The following KIF1C variants were observed in gnomAD, a reference collection of about 807,000 sequenced individuals.
The protein encoded by KIF1C is kinesin-like protein KIF1C.
In KIF1C, 61 loss-of-function variants were observed where a neutral mutation model predicts 126.5. The observed-to-expected ratio is 0.48, with a 90% CI of 0.39 to 0.60. The LOEUF (loss-of-function observed/expected upper bound fraction) is 0.60. KIF1C is among the 20% of genes least tolerant of loss of function. The pLI is 0.00. For missense variants in KIF1C, 1,315 were observed against 1,489.2 expected (o/e 0.88, Z 1.93); for synonymous variants, 640 against 580.6 (o/e 1.10, Z -1.47).
rs1476940480 is a variant in KIF1C at position 5,020,540 on chromosome 17, C to T, written c.1799C>T (p.Pro600Leu). The T allele has an allele frequency of 4.3e-6, 7 of 1,614,196 alleles. No individual in the cohort carries two copies. The highest frequency in any genetic ancestry group is 1.1e-5 in the South Asian group (1 of 91,088). Residue 600 changes from proline (P) to leucine (L), a missense_variant, in exon 20 of 23, where the codon CCG (proline) becomes CTG (leucine). Physicochemically the swap from Pro to Leu is moderately conservative, Grantham distance 98. Coordinates refer to ENST00000320785, the MANE Select transcript of KIF1C (RefSeq NM_006612.6). The surrounding 1 kb of genome is among the most constrained non-coding windows in gnomAD (Gnocchi z 5.8). ...GKNHVFRFNHPEQARLERERG... is the reference protein window; with the variant it reads ...GKNHVFRFNHLEQARLERERG... ...AACCACGTTTTCCGCTTCAACCACC[C>T]GGAGCAGGCAAGGCTGGAACGGGAA...
Position 5,020,955 on chromosome 17 carries a change from G to A in KIF1C, c.2010+77G>A, listed in dbSNP as rs1010164940. 25 of 1,319,130 alleles carry A rather than the reference G, an allele frequency of 1.9e-5. No individual in the cohort carries two copies. The highest frequency in any genetic ancestry group is 4.3e-4 in the Middle Eastern group (2 of 4,658). The allele number at this position is 1,319,130 out of a possible 1,614,324, so 81.7% of individuals were successfully genotyped here. A position where few individuals can be genotyped will look rare whatever the true frequency, so the allele number is the denominator to read the frequency against. ...CCTGAGTCCGAGTGCAGTGCTCACC[G>A]CTGAGCCAGAGTGGGAAATGGGCAT... On this transcript the variant is annotated intron_variant, in intron 21 of 22. Coordinates refer to ENST00000320785, the MANE Select transcript of KIF1C (RefSeq NM_006612.6). The surrounding 1 kb of genome is among the most constrained non-coding windows in gnomAD (Gnocchi z 5.8).
At chr17:5,013,801 A>G in intron 17 of KIF1C, 69 bp downstream of exon 17, 1 of 1,221,880 alleles carries the variant, frequency 8.2e-7, no homozygotes, top group Non-Finnish European at 1.2e-6. Context: ...GGTTGTCCAC[A>G]TTGGTGTCTC....
At chr17:5,021,169 G>GTTTTTTT (rs765920431) in intron 21 of KIF1C, among the ~76,000 whole-genome samples, 18 of 77,394 alleles carry the variant, frequency 2.3e-4, no homozygotes, top group Non-Finnish European at 2.8e-4. Context: ...GATTGTTGTG[G>GTTTTTTT]TTTTTTTTTT....
In KIF1C at chr17:5,026,616, G is replaced by A. The variant is rs1438949221; in HGVS notation, c.*2465G>A. 1.9e-5 allele frequency: 3 copies of A among 160,836 alleles called. No homozygotes were observed. The highest frequency in any genetic ancestry group is 4.0e-5 in the Non-Finnish European group (3 of 75,740). 10.0% of individuals were successfully genotyped at this position (160,836 alleles called of 1,614,324 possible). On this transcript the variant is annotated 3_prime_UTR_variant, in exon 23 of 23. Coordinates refer to ENST00000320785, the MANE Select transcript of KIF1C (RefSeq NM_006612.6). The stretch of plus-strand genomic sequence containing the variant: ...CATAGAAAAACTAGTTGGGTGTGGT[G>A]GTGTGTACCTGTAGTTCCAGCTACT...
Position 5,022,708 on chromosome 17 carries a change from A to G in KIF1C, c.2627A>G (p.Gln876Arg). The G allele has an allele frequency of 2.0e-6, 3 of 1,527,218 alleles. No individual in the cohort carries two copies. Among genetic ancestry groups the G allele is most frequent in the Non-Finnish European group, 2.6e-6 (3 of 1,140,048 alleles). 94.6% of individuals were successfully genotyped at this position (1,527,218 alleles called of 1,614,324 possible). A position where few individuals can be genotyped will look rare whatever the true frequency, so the allele number is the denominator to read the frequency against. Reference protein sequence around the residue: ...LRMERVIPLAQDHEDENEEGG... With the variant: ...LRMERVIPLARDHEDENEEGG... ...ATGGAGAGGGTCATCCCCCTGGCCCAGGTAGGACTGGCCTTCTGCCTCCCT... is the reference window on the plus strand; with the variant it reads ...ATGGAGAGGGTCATCCCCCTGGCCCGGGTAGGACTGGCCTTCTGCCTCCCT... Residue 876 changes from glutamine (Q) to arginine (R), a missense_variant and splice_region_variant, in exon 22 of 23, where the codon CAG (glutamine) becomes CGG (arginine). This residue lies in a region of KIF1C where 441 missense variants were observed against 436.1 expected (regional missense o/e 1.01). Coordinates refer to ENST00000320785, the MANE Select transcript of KIF1C (RefSeq NM_006612.6). The surrounding 1 kb of genome is among the most constrained non-coding windows in gnomAD (Gnocchi z 4.9).
At chr17:5,000,175 C>G in intron 2 of KIF1C, 45 bp from the exon 3 acceptor site, 1 of 1,082,750 alleles carries the variant, frequency 9.2e-7, no homozygotes, top group Non-Finnish European at 1.4e-6. Flanking sequence ...ATGTCTGGGT[C>G]CCTGCAGTGG....
chr17:5,022,465 C>A lies in KIF1C; in HGVS notation c.2384C>A (p.Ala795Asp). 6.3e-7 allele frequency: 1 copy of A among 1,586,158 alleles called. No homozygotes were observed. The highest frequency in any genetic ancestry group is 1.1e-5 in the South Asian group (1 of 87,744). ...TYGKPDGPGD[A>D]WRAVARDVWD... The stretch of plus-strand genomic sequence containing the variant: ...GGCAAGCCAGACGGCCCCGGAGACG[C>A]CTGGAGGGCTGTGGCCCGGGATGTC... Residue 795 changes from alanine (A) to aspartate (D), a missense_variant, in exon 22 of 23, where the codon GCC (alanine) becomes GAC (aspartate). Coordinates refer to ENST00000320785, the MANE Select transcript of KIF1C (RefSeq NM_006612.6). This position sits in a 1 kb window ranked among gnomAD's most constrained non-coding sequence, Gnocchi z 4.9.
chr17:5,004,874 C>G lies in KIF1C; in HGVS notation c.1039C>G (p.Gln347Glu). ...ACCCAGGTATGCTGACCGCACCAAG[C>G]AAATCCGCTGCAATGCCATCATCAA... ...STLRYADRTK[Q>E]IRCNAIINED... Residue 347 changes from glutamine (Q) to glutamate (E), a missense_variant, in exon 13 of 23, where the codon CAA (glutamine) becomes GAA (glutamate). This residue lies in a region of KIF1C where 874 missense variants were observed against 1,053.2 expected (regional missense o/e 0.83). Coordinates refer to ENST00000320785, the MANE Select transcript of KIF1C (RefSeq NM_006612.6). 1 of 1,614,248 alleles carries G rather than the reference C, an allele frequency of 6.2e-7. No individual in the cohort carries two copies. Among genetic ancestry groups the G allele is most frequent in the Non-Finnish European group, 8.5e-7 (1 of 1,180,046 alleles).
At chr17:5,017,019 T>A (rs1974985413) in intron 18 of KIF1C, among the ~76,000 whole-genome samples, 1 of 152,144 alleles carries the variant, frequency 6.6e-6, no homozygotes, top group Admixed American at 6.5e-5. Context: ...GCTTCCGGCA[T>A]TTTGGGTTGA....
intron 16 of KIF1C, among the ~76,000 whole-genome samples, chr17:5,013,308 G>A (rs114230943): frequency 0.015 from 2,254 of 152,210 alleles, 52 homozygotes; most frequent in African/African-American, 0.05. Flanking sequence ...TTCTGGTGAG[G>A]GAGCCTGGTG....
chr17:5,001,933 AC>A, intron 5 of KIF1C, 125 bp from the exon 6 acceptor site: 1 of 809,510 alleles, frequency 1.2e-6, no homozygotes, highest in Non-Finnish European at 2.1e-6. Context: ...AATGGGAATA[AC>A]CCCTCCCTCA....
In KIF1C at chr17:5,004,045, G is replaced by A. The variant is rs764214773; in HGVS notation, c.912G>A (p.Val304=). 1.9e-6 allele frequency: 3 copies of A among 1,613,836 alleles called. No homozygotes were observed. Among genetic ancestry groups the A allele is most frequent in the Non-Finnish European group, 2.5e-6 (3 of 1,179,950 alleles). ...KSDFIPYRDS[V]LTWLLKENLG... ...ATTTTATCCCCTACAGGGACTCTGT[G>A]CTCACCTGGCTGCTCAAGGAAAATT... The change falls in exon 11 of 23, where the codon GTG becomes GTA. Residue 304 remains valine, a synonymous_variant. Transcript: ENST00000320785.
At position 5,014,850 on chromosome 17, in the gene KIF1C, G is replaced by T. The variant is rs553003454; in HGVS notation, c.1666+13G>T. 15 of 1,569,688 alleles carry T rather than the reference G, an allele frequency of 9.6e-6. No individual in the cohort carries two copies. Among genetic ancestry groups the T allele is most frequent in the South Asian group, 9.4e-5 (8 of 85,546 alleles). On this transcript the variant is annotated intron_variant, in intron 18 of 22. Coordinates refer to ENST00000320785, the MANE Select transcript of KIF1C (RefSeq NM_006612.6). The stretch of plus-strand genomic sequence containing the variant: ...CCAGATGGAGAAGGTAATGGCTGAG[G>T]GGGTGAGAGAGGCCAGACAGGGAGA...
chr17:5,016,159 A>G (rs1974967309), intron 18 of KIF1C, among the ~76,000 whole-genome samples: 1 of 146,480 alleles, frequency 6.8e-6, no homozygotes, highest in South Asian at 2.2e-4. Context: ...TTTTTTTGAG[A>G]TGGAGTCTCG....
In KIF1C at chr17:5,020,874, G is replaced by A. The variant is rs566736417; in HGVS notation, c.2006G>A (p.Arg669Gln). The A allele has an allele frequency of 2.7e-4, 422 of 1,576,486 alleles. No homozygotes were observed. Among genetic ancestry groups the A allele is most frequent in the Non-Finnish European group, 3.4e-4 (392 of 1,160,890 alleles). ...EEADLLLEQQ[R>Q]LYADSDSGDD... ...GCCGATCTTCTGCTGGAGCAGCAGC[G>A]ACTGGTGAGGGGCAGCAGGGGCTGG... The change falls in exon 21 of 23, where the codon CGA (arginine) becomes CAA (glutamine). Residue 669 changes from arginine (R) to glutamine (Q), a missense_variant. By Grantham distance (43) the Arg-to-Gln change is conservative. Coordinates refer to ENST00000320785, the MANE Select transcript of KIF1C (RefSeq NM_006612.6). The surrounding 1 kb of genome is among the most constrained non-coding windows in gnomAD (Gnocchi z 5.8).
Position 5,000,051 on chromosome 17 carries a change from C to G in KIF1C, c.-28+81C>G. 6.8e-6 allele frequency: 4 copies of G among 590,238 alleles called. No homozygotes were observed. The South Asian group carries it at 8.0e-5, about 12-fold the overall frequency. The allele number at this position is 590,238 out of a possible 1,614,324, so 36.6% of individuals were successfully genotyped here. ...GGCAGAAATACCTTTGGGAGTCTCT[C>G]AAGACAGTGACATTTGGGAGGAAAG... On this transcript the variant is annotated intron_variant, in intron 2 of 22. Transcript: ENST00000320785.
rs1974571317 is a variant in KIF1C at position 5,000,852 on chromosome 17, G to A, written c.183+4G>A. ...CTCCTACTGGTCACACACTTCGGTG[G>A]GTTGTTGGGCTGGGGGAAGAGCAAG... is the stretch of plus-strand genomic sequence containing the variant. On this transcript the variant is annotated splice_donor_region_variant and intron_variant, in intron 4 of 22. Coordinates refer to ENST00000320785, the MANE Select transcript of KIF1C (RefSeq NM_006612.6). 6.2e-7 allele frequency: 1 copy of A among 1,613,786 alleles called. No homozygotes were observed. Among genetic ancestry groups the A allele is most frequent in the African/African-American group, 1.3e-5 (1 of 75,008 alleles).
chr17:5,015,796 A>G (rs953416544), intron 18 of KIF1C, among the ~76,000 whole-genome samples: 2 of 151,166 alleles, frequency 1.3e-5, no homozygotes, highest in East Asian at 2.0e-4. Context: ...GGGTTTCACC[A>G]TGTTGGTCAG....
At position 5,000,058 on chromosome 17, in the gene KIF1C, G is replaced by T. The variant is rs1597837717; in HGVS notation, c.-28+88G>T. The T allele has an allele frequency of 1.5e-5, 9 of 593,876 alleles. No individual in the cohort carries two copies. The South Asian group carries it at 1.8e-4, about 12-fold the overall frequency. The allele number at this position is 593,876 out of a possible 1,614,324, so 36.8% of individuals were successfully genotyped here. On this transcript the variant is annotated intron_variant, in intron 2 of 22. Coordinates refer to ENST00000320785, the MANE Select transcript of KIF1C (RefSeq NM_006612.6). ...ATACCTTTGGGAGTCTCTCAAGACA[G>T]TGACATTTGGGAGGAAAGCCAAGGG...
Sources: allele counts gnomAD v4.1 joint callset (sites outside exome capture counted in the v4.1 genomes callset), GRCh38; gene constraint gnomAD v4.1.1; regional missense constraint gnomAD v4.1.1; non-coding constraint Gnocchi (gnomAD v3.1); transcripts MANE v1.5; gene names NCBI Gene and HGNC (gene_info 2026-07-23, HGNC 2026-07-21).